PIK3R6: variants seen among roughly 807,000 people sequenced by gnomAD.
PIK3R6 encodes the protein phosphoinositide 3-kinase regulatory subunit 6.
PIK3R6 carries 91 observed loss-of-function variants against 84.9 expected under a neutral mutation model. The observed-to-expected ratio is 1.07, with a 90% CI of 0.90 to 1.28. The LOEUF (loss-of-function observed/expected upper bound fraction) is 1.28, where lower values mean the gene tolerates loss of function less well. PIK3R6 is among the 50% of genes most tolerant of loss of function. The pLI, the probability that PIK3R6 is intolerant of heterozygous loss-of-function variation, is 0.00. For missense variants in PIK3R6, 996 were observed against 985.1 expected (o/e 1.01, Z -0.15); for synonymous variants, 416 against 411.4 (o/e 1.01, Z -0.13).
intron 10 of PIK3R6, 84 bp downstream of exon 10, chr17:8,829,622 G>GA: frequency 7.6e-7 from 1 of 1,315,184 alleles, no homozygotes; most frequent in Admixed American, 2.2e-5. Context: ...ACACACGCAT[G>GA]CACACTGACA....
chr17:8,819,026 G>A (rs2087631433), intron 18 of PIK3R6, 57 bp downstream of exon 18: 1 of 1,349,678 alleles, frequency 7.4e-7, no homozygotes, highest in African/African-American at 1.4e-5. Flanking sequence ...TGGGCTCCCA[G>A]CCACCTACTG....
intron 10 of PIK3R6, 100 bp downstream of exon 10, chr17:8,829,605 CA>C: frequency 1.6e-6 from 2 of 1,219,950 alleles, no homozygotes; most frequent in South Asian, 2.7e-5. Context: ...CATGCATACA[CA>C]CACTGACACA....
At chr17:8,807,645 G>T (rs939623743) in intron 18 of PIK3R6, among the ~76,000 whole-genome samples, 9 of 152,180 alleles carry the variant, frequency 5.9e-5, no homozygotes, top group African/African-American at 1.4e-4. Context: ...CAGGCAACTA[G>T]CGTGAGCAAA....
intron 18 of PIK3R6, among the ~76,000 whole-genome samples, chr17:8,817,948 A>C (rs1007015378): frequency 6.6e-6 from 1 of 151,158 alleles, no homozygotes; most frequent in Non-Finnish European, 1.5e-5. Flanking sequence ...TAAGATGGAA[A>C]AGACCTGAGC....
chr17:8,827,875 TAGC>T (rs2087999300), intron 12 of PIK3R6, among the ~76,000 whole-genome samples: 1 of 146,788 alleles, frequency 6.8e-6, no homozygotes, highest in Non-Finnish European at 1.5e-5. Flanking sequence ...ACAAAACAAA[TAGC>T]AGCAAGCAGG....
intron 18 of PIK3R6, among the ~76,000 whole-genome samples, chr17:8,813,861 C>T (rs2087440674): frequency 6.6e-6 from 1 of 152,060 alleles, no homozygotes; most frequent in African/African-American, 2.4e-5. Context: ...GCAAGGATGC[C>T]CACCGTCACT....
Position 8,821,920 on chromosome 17 carries a change from CG to C in PIK3R6, c.1804del (p.Arg602GlyfsTer14). 3 of 1,586,130 alleles carry C rather than the reference CG, an allele frequency of 1.9e-6. No individual in the cohort carries two copies. The highest frequency in any genetic ancestry group is 1.8e-5 in the Admixed American group (1 of 55,968). ...CAGGGAAACGGTGACCTCTCGGGGC[CG>C]GTGGCTAAGCAAGGCCTGAGGAGGG... Reference protein sequence around the residue: ...LCYQKALLSHRPREVTVSLRA... With the variant: ...LCYQKALLSHXPREVTVSLRA... On this transcript the variant is annotated frameshift_variant, in exon 17 of 20. Transcript: ENST00000619866. LOFTEE classifies it high-confidence loss of function.
chr17:8,833,080 C>G, intron 8 of PIK3R6, 35 bp from the exon 9 acceptor site: 9 of 1,517,598 alleles, frequency 5.9e-6, no homozygotes, highest in Non-Finnish European at 7.9e-6. Context: ...TGGGTCTTGG[C>G]CCAGCGCCCA....
Position 8,838,164 on chromosome 17 carries a change from G to A in PIK3R6, c.190-293C>T, listed in dbSNP as rs565822482. 831 of 493,234 alleles carry A rather than the reference G, an allele frequency of 1.7e-3. 10 individuals carry two copies. The highest frequency in any genetic ancestry group is 0.013 in the South Asian group (552 of 43,160). 30.6% of individuals were successfully genotyped at this position (493,234 alleles called of 1,614,324 possible). On this transcript the variant is annotated intron_variant, in intron 4 of 19. Transcript: ENST00000619866. ...AAAGCAACAAACAAGTCCTCAGCTC[G>A]GAGCCTCCCTTGAGTGCAGTGTTTC...
chr17:8,866,826 A>G (rs1256841489), intron 1 of PIK3R6, among the ~76,000 whole-genome samples: 1 of 152,212 alleles, frequency 6.6e-6, no homozygotes, highest in East Asian at 1.9e-4. Context: ...GAAGGTTCTG[A>G]GTTGGTCACT....
chr17:8,823,348 G>A, intron 14 of PIK3R6, 39 bp downstream of exon 14: 2 of 1,433,972 alleles, frequency 1.4e-6, no homozygotes, highest in Non-Finnish European at 1.9e-6. Context: ...TAATCGGTGG[G>A]GTCCTGGGGT....
In PIK3R6 at chr17:8,839,501, G is replaced by A. The variant is rs2088602201; in HGVS notation, c.97+113C>T. 4 of 776,156 alleles carry A rather than the reference G, an allele frequency of 5.2e-6. No individual in the cohort carries two copies. In the South Asian group the frequency reaches 5.9e-5, roughly 11 times the overall value. 48.1% of individuals were successfully genotyped at this position (776,156 alleles called of 1,614,324 possible). ...CAGCAGGAAAGGGGTTTGGTGAGACGACCCTTGCCCCCTGAGCTCCAGGCC... is the reference window on the plus strand; with the variant it reads ...CAGCAGGAAAGGGGTTTGGTGAGACAACCCTTGCCCCCTGAGCTCCAGGCC... On this transcript the variant is annotated intron_variant, in intron 3 of 19. Transcript: ENST00000619866. This position sits in a 1 kb window ranked among gnomAD's most constrained non-coding sequence, Gnocchi z 4.2.
chr17:8,860,038 CT>C (rs2089234456), intron 1 of PIK3R6, among the ~76,000 whole-genome samples: 1 of 152,220 alleles, frequency 6.6e-6, no homozygotes, highest in Admixed American at 6.5e-5. Context: ...CTCTCAGAGA[CT>C]TTGCTCTGTC....
At chr17:8,819,671 C>CAT (rs148918327) in intron 17 of PIK3R6, among the ~76,000 whole-genome samples, 18,757 of 133,434 alleles carry the variant, frequency 0.14, 1,416 homozygotes, top group Middle Eastern at 0.24. Flanking sequence ...TTTTTTTGTG[C>CAT]ATATATATAT....
intron 18 of PIK3R6, among the ~76,000 whole-genome samples, chr17:8,807,910 G>A (rs948048297): frequency 6.6e-6 from 1 of 152,128 alleles, no homozygotes; most frequent in African/African-American, 2.4e-5. Context: ...TCAGACTTGG[G>A]GTGACCAACT....
At chr17:8,852,800 T>C (rs2089008880) in intron 1 of PIK3R6, among the ~76,000 whole-genome samples, 1 of 151,676 alleles carries the variant, frequency 6.6e-6, no homozygotes, top group African/African-American at 2.4e-5. Context: ...ACATCCAGTA[T>C]TGGCAAGGAT....
At chr17:8,807,729 C>A (rs557035851) in intron 18 of PIK3R6, among the ~76,000 whole-genome samples, 37 of 152,230 alleles carry the variant, frequency 2.4e-4, no homozygotes, top group Middle Eastern at 3.4e-3. Flanking sequence ...CCCAAAGCTG[C>A]AGATGGAGAA....
At chr17:8,808,464 G>A (rs1235536164) in intron 18 of PIK3R6, among the ~76,000 whole-genome samples, 1 of 152,168 alleles carries the variant, frequency 6.6e-6, no homozygotes, top group Non-Finnish European at 1.5e-5. Context: ...ATGATACTGA[G>A]TCACAGAGAT....
chr17:8,839,857 G>A lies in PIK3R6; in HGVS notation c.14-160C>T, dbSNP rs28704961. Among the ~76,000 whole-genome samples the A allele has an allele frequency of 0.39, 59,168 of 152,084 alleles. 11,855 individuals carry two copies. The highest frequency in any genetic ancestry group is 0.44 in the African/African-American group (18,275 of 41,478). Reference sequence around the variant, plus strand: ...GCAGCCAGCATGCCAGCCAGGGCTGGAATATAGCCTTCCCTTCCACGTTTC... The same window carrying A: ...GCAGCCAGCATGCCAGCCAGGGCTGAAATATAGCCTTCCCTTCCACGTTTC... On this transcript the variant is annotated intron_variant, in intron 2 of 19. Coordinates refer to ENST00000619866, the MANE Select transcript of PIK3R6 (RefSeq NM_001010855.4). The surrounding 1 kb of genome is among the most constrained non-coding windows in gnomAD (Gnocchi z 4.2).
Sources: allele counts gnomAD v4.1 joint callset (sites outside exome capture counted in the v4.1 genomes callset), GRCh38; gene constraint gnomAD v4.1.1; non-coding constraint Gnocchi (gnomAD v3.1); transcripts MANE v1.5; gene names NCBI Gene and HGNC (gene_info 2026-07-23, HGNC 2026-07-21).